The following SAMD12 variants were observed in gnomAD, a reference collection of about 807,000 sequenced individuals.
The protein encoded by SAMD12 is sterile alpha motif domain containing 12.
SAMD12 carries 9 observed loss-of-function variants against 15.0 expected under a neutral mutation model. The ratio of observed to expected loss-of-function variants is 0.60; its 90% CI spans 0.36 to 1.05. The LOEUF (loss-of-function observed/expected upper bound fraction) is 1.05. Among genes scored for constraint, SAMD12 ranks in the 50% least tolerant of loss-of-function variants. The pLI is 0.01. For synonymous variants in SAMD12, 86 were observed against 90.1 expected, an observed-to-expected ratio of 0.96 and a Z score of 0.25; for missense variants, 230 against 234.2, an observed-to-expected ratio of 0.98 and a Z score of 0.12.
intron 4 of SAMD12, among the ~76,000 whole-genome samples, chr8:118,336,934 T>G (rs1376549322): frequency 1.3e-5 from 2 of 152,184 alleles, no homozygotes; most frequent in African/African-American, 4.8e-5. Flanking sequence ...CACTGCATGT[T>G]CTCATTCATA....
intron 2 of SAMD12, among the ~76,000 whole-genome samples, chr8:118,481,929 C>G (rs189230610): frequency 9.5e-4 from 144 of 152,294 alleles, no homozygotes; most frequent in Non-Finnish European, 1.4e-3. Flanking sequence ...TCCAAGACCT[C>G]TACCTATATT....
intron 3 of SAMD12, among the ~76,000 whole-genome samples, chr8:118,380,459 C>T (rs958779948): frequency 6.6e-6 from 1 of 152,196 alleles, no homozygotes; most frequent in Non-Finnish European, 1.5e-5. Flanking sequence ...GGCATGGCCT[C>T]TCTTCAACCT....
intron 3 of SAMD12, among the ~76,000 whole-genome samples, chr8:118,388,182 A>G (rs1820065979): frequency 6.6e-6 from 1 of 152,202 alleles, no homozygotes; most frequent in Admixed American, 6.5e-5. Flanking sequence ...GAAGTTCTAT[A>G]TGACTGTGGT....
At chr8:118,607,557 T>C (rs1384881693) in intron 1 of SAMD12, among the ~76,000 whole-genome samples, 1 of 152,194 alleles carries the variant, frequency 6.6e-6, no homozygotes, top group East Asian at 1.9e-4. Context: ...TTAGGATTTT[T>C]AGGCATCATC....
intron 4 of SAMD12, among the ~76,000 whole-genome samples, chr8:118,302,701 T>C (rs1048819301): frequency 6.6e-6 from 1 of 152,166 alleles, no homozygotes; most frequent in African/African-American, 2.4e-5. Flanking sequence ...AAAATGTCTA[T>C]TTAATTTTGG....
chr8:118,525,953 A>C (rs1009672341), intron 2 of SAMD12, among the ~76,000 whole-genome samples: 4 of 152,292 alleles, frequency 2.6e-5, no homozygotes, highest in Non-Finnish European at 5.9e-5. Context: ...AAGTTCATAA[A>C]TTAGAAGTTT....
At chr8:118,400,558 CAA>C (rs1820821501) in intron 3 of SAMD12, 2 of 152,172 alleles carry the variant, frequency 1.3e-5, no homozygotes, top group Non-Finnish European at 2.9e-5. Context: ...ATAAATAAGT[CAA>C]AGTTACAGAC....
chr8:118,191,236 C>T (rs1457263424), exon 5 of SAMD12: 1 of 152,130 alleles, frequency 6.6e-6, no homozygotes, highest in African/African-American at 2.4e-5. Flanking sequence ...GCTTCTTTTA[C>T]TAGTTAAACC....
At chr8:118,355,787 T>C (rs1027620043) in intron 4 of SAMD12, among the ~76,000 whole-genome samples, 1 of 152,216 alleles carries the variant, frequency 6.6e-6, no homozygotes, top group South Asian at 2.1e-4. Context: ...TAGAAGCTTA[T>C]ATATACCACC....
chr8:118,592,425 T>G (rs1827605602), intron 1 of SAMD12, among the ~76,000 whole-genome samples: 1 of 152,178 alleles, frequency 6.6e-6, no homozygotes, highest in African/African-American at 2.4e-5. Flanking sequence ...AGGTAAATAA[T>G]GGGCTTTGGA....
Position 118,290,206 on chromosome 8 carries a change from T to C in SAMD12, c.433+89354A>G, listed in dbSNP as rs543409277. Among the ~76,000 whole-genome samples the C allele has an allele frequency of 7.9e-4, 120 of 152,276 alleles. 1 individual carries two copies. The highest frequency in any genetic ancestry group is 1.4e-3 in the Non-Finnish European group (94 of 68,020). On this transcript the variant is annotated intron_variant, in intron 4 of 4. Transcript: ENST00000409003. ...TGAAAAATCCAGAGAGGAAAATGGG[T>C]TACCACAGTGCTATTTCTATGGTCT...
chr8:118,459,072 G>GT lies in SAMD12; in HGVS notation c.193-19112dup, dbSNP rs35462671. Among the ~76,000 whole-genome samples, 244 of 149,826 alleles carry GT rather than the reference G, an allele frequency of 1.6e-3. 2 individuals are homozygous for GT. Among genetic ancestry groups the GT allele is most frequent in the African/African-American group, 5.3e-3 (216 of 40,772 alleles). On this transcript the variant is annotated intron_variant, in intron 2 of 3. Transcript: ENST00000314727. ...TACCCAGGAAAGGTATCAAACAATTGTTTTTTTTTTGGAGAACGAGTCTCA... is the reference window on the plus strand; with the variant it reads ...TACCCAGGAAAGGTATCAAACAATTGTTTTTTTTTTTGGAGAACGAGTCTCA...
At chr8:118,440,683 C>CACACACACACAA (rs1417472457) in intron 2 of SAMD12, among the ~76,000 whole-genome samples, 12 of 148,716 alleles carry the variant, frequency 8.1e-5, no homozygotes, top group Admixed American at 8.0e-4. Context: ...CACACACACA[C>CACACACACACAA]ACACACACAC....
the SAMD12 span, among the ~76,000 whole-genome samples, chr8:118,177,224 G>C: frequency 6.7e-6 from 1 of 149,466 alleles, no homozygotes; most frequent in Admixed American, 6.8e-5. Context: ...AAGTCTAAAG[G>C]GGAAGCCACA....
chr8:118,309,910 A>C (rs1815548882), intron 4 of SAMD12, among the ~76,000 whole-genome samples: 1 of 152,200 alleles, frequency 6.6e-6, no homozygotes, highest in African/African-American at 2.4e-5. Context: ...CCATGACACA[A>C]AACAGACCTG....
intron 1 of SAMD12, among the ~76,000 whole-genome samples, chr8:118,619,481 A>AAC (rs1234624818): frequency 2.0e-5 from 3 of 150,580 alleles, no homozygotes; most frequent in African/African-American, 7.3e-5. Flanking sequence ...TCTGTCTCAA[A>AAC]AAAAAAAAAA....
chr8:118,576,755 A>C (rs1827162244), intron 2 of SAMD12, among the ~76,000 whole-genome samples: 1 of 152,126 alleles, frequency 6.6e-6, no homozygotes, highest in African/African-American at 2.4e-5. Flanking sequence ...CTTTGTCTTG[A>C]GTCTACAAGA....
chr8:118,354,207 A>T (rs567451467), intron 4 of SAMD12, among the ~76,000 whole-genome samples: 22 of 152,232 alleles, frequency 1.4e-4, no homozygotes, highest in Admixed American at 5.2e-4. Context: ...GAAAACAATT[A>T]TTTATAAAAG....
At position 118,550,909 on chromosome 8, in the gene SAMD12, A is replaced by G. The variant is rs982531594; in HGVS notation, c.192+29806T>C. Reference sequence around the variant, plus strand: ...CTCTGATAAAACAGACTTTAAACCAACAAAGATCAAAAGAGACAAAGAAGG... The same window carrying G: ...CTCTGATAAAACAGACTTTAAACCAGCAAAGATCAAAAGAGACAAAGAAGG... On this transcript the variant is annotated intron_variant, in intron 2 of 3. Transcript: ENST00000314727. Among the ~76,000 whole-genome samples, 4 of 150,388 alleles carry G rather than the reference A, an allele frequency of 2.7e-5. No homozygotes were observed. The South Asian group carries it at 8.5e-4, about 32-fold the overall frequency.
Sources: allele counts gnomAD v4.1 joint callset (sites outside exome capture counted in the v4.1 genomes callset), GRCh38; gene constraint gnomAD v4.1.1; transcripts MANE v1.5; gene names NCBI Gene and HGNC (gene_info 2026-07-23, HGNC 2026-07-21).